Variants in PHF21A observed in about 807,000 individuals in gnomAD.
PHF21A encodes the protein BHC80a.
Under a neutral mutation model 82.5 loss-of-function variants are expected in PHF21A, and 11 were observed. That is an observed-to-expected ratio of 0.13 (90% confidence interval 0.08 to 0.22). PHF21A has a LOEUF of 0.22. PHF21A is among the 10% of genes least tolerant of loss of function. The pLI, the probability that PHF21A is intolerant of heterozygous loss-of-function variation, is 1.00. For synonymous variants in PHF21A, 297 were observed against 302.8 expected (o/e 0.98, Z 0.20); for missense variants, 579 against 837.8 (o/e 0.69, Z 3.81).
At chr11:45,966,334 CTCAG>C (rs760216920) in intron 9 of PHF21A, among the ~76,000 whole-genome samples, 23 of 152,268 alleles carry the variant, frequency 1.5e-4, no homozygotes, top group Middle Eastern at 3.4e-3. Context: ...CGATAATTGC[CTCAG>C]TAAGTACCCT....
chr11:45,934,078 T>C lies in PHF21A; in HGVS notation c.1936A>G (p.Asn646Asp). The change falls in exon 19 of 19, where the codon AAT becomes GAT. Residue 646 changes from asparagine to aspartate, a missense_variant. Coordinates refer to ENST00000676320, the MANE Select transcript of PHF21A (RefSeq NM_001352027.3). ...GCAGGGGGGGTGCAGTCCGGGCCAT[T>C]GGAGATGGCCCCCACAGTGGCCTCA... ...DSEATVGAIS[N>D]GPDCTPPANA... is the part of the protein sequence containing the mutation. The C allele has an allele frequency of 1.2e-6, 2 of 1,613,852 alleles. No individual in the cohort carries two copies. The highest frequency in any genetic ancestry group is 2.2e-5 in the South Asian group (2 of 91,074).
chr11:45,993,567 G>T (rs1291766552), intron 6 of PHF21A, among the ~76,000 whole-genome samples: 1 of 151,696 alleles, frequency 6.6e-6, no homozygotes, highest in East Asian at 1.9e-4. Flanking sequence ...TCATTTTTCT[G>T]AGCCAACTTT....
chr11:46,078,774 CTT>C (rs1181593308), intron 5 of PHF21A, among the ~76,000 whole-genome samples: 1 of 152,048 alleles, frequency 6.6e-6, no homozygotes, highest in African/African-American at 2.4e-5. Context: ...TTTGGGGTCT[CTT>C]TTCATAATAT....
chr11:45,945,153 G>C (rs1480518951), intron 15 of PHF21A, among the ~76,000 whole-genome samples: 1 of 152,224 alleles, frequency 6.6e-6, no homozygotes, highest in Non-Finnish European at 1.5e-5. Context: ...TGAGGACAGG[G>C]AGTTGGTTTT....
chr11:46,083,905 T>C (rs1008894375), intron 4 of PHF21A, among the ~76,000 whole-genome samples: 1 of 152,214 alleles, frequency 6.6e-6, no homozygotes, highest in Non-Finnish European at 1.5e-5. Flanking sequence ...AAAAGATTTC[T>C]TTCTTTTTTG....
chr11:46,040,911 ACACACACACACACACACACACACG>A (rs1241611350), intron 6 of PHF21A, among the ~76,000 whole-genome samples: 1 of 148,600 alleles, frequency 6.7e-6, no homozygotes, highest in Non-Finnish European at 1.5e-5. Context: ...ACACACACAC[ACACACACACACACACACACACACG>A]CACGCACAAT....
rs1210345334 is a variant in PHF21A at position 46,017,831 on chromosome 11, T to A, written c.154-37865A>T. 3.3e-5 allele frequency among the ~76,000 whole-genome samples: 5 copies of A among 152,100 alleles called. No homozygotes were observed. The East Asian group carries it at 9.6e-4, about 29-fold the overall frequency. Reference sequence around the variant, plus strand: ...AAGGCTATCAAACAGCAAAGCACAGTGTAAATAGCCACCCAAATTGCTCTT... The same window carrying A: ...AAGGCTATCAAACAGCAAAGCACAGAGTAAATAGCCACCCAAATTGCTCTT... On this transcript the variant is annotated intron_variant, in intron 6 of 18. Transcript: ENST00000676320.
intron 6 of PHF21A, among the ~76,000 whole-genome samples, chr11:46,057,178 T>A (rs958248820): frequency 2.0e-5 from 3 of 152,194 alleles, no homozygotes; most frequent in Admixed American, 6.6e-5. Context: ...TCATGTCCAG[T>A]GGGCTAGTAA....
At chr11:46,004,168 A>C (rs571555818) in intron 6 of PHF21A, among the ~76,000 whole-genome samples, 1 of 152,164 alleles carries the variant, frequency 6.6e-6, no homozygotes, top group Admixed American at 6.5e-5. Flanking sequence ...AAAATGTTTA[A>C]ATTTATTTTC....
At chr11:46,041,991 T>C (rs1019737375) in intron 6 of PHF21A, among the ~76,000 whole-genome samples, 9 of 152,140 alleles carry the variant, frequency 5.9e-5, no homozygotes, top group Admixed American at 5.2e-4. Flanking sequence ...TAAAATCCTG[T>C]ATGTCTGTTT....
chr11:46,028,507 T>C (rs1004581528), intron 6 of PHF21A, among the ~76,000 whole-genome samples: 1 of 151,840 alleles, frequency 6.6e-6, no homozygotes, highest in Non-Finnish European at 1.5e-5. Flanking sequence ...ACTTCCTGAT[T>C]CTGTTGTAAT....
At chr11:46,102,426 C>A (rs1313093182) in intron 1 of PHF21A, among the ~76,000 whole-genome samples, 1 of 152,176 alleles carries the variant, frequency 6.6e-6, no homozygotes, top group Admixed American at 6.5e-5. Flanking sequence ...TGTAAAAGAT[C>A]AATATATAAT....
rs375040302 is a variant in PHF21A, at chr11:46,086,125, T to A, written c.-83-1823A>T. ...ATCTGGGTAGTTTTAGCTACTATCTTTTTTTTTTTTTGAGAAAGAGTCTCG... is the reference window on the plus strand; with the variant it reads ...ATCTGGGTAGTTTTAGCTACTATCTATTTTTTTTTTTGAGAAAGAGTCTCG... On this transcript the variant is annotated intron_variant, in intron 3 of 18. Coordinates refer to ENST00000676320, the MANE Select transcript of PHF21A (RefSeq NM_001352027.3). Among the ~76,000 whole-genome samples the A allele has an allele frequency of 2.8e-4, 42 of 148,106 alleles. No homozygotes were observed. The East Asian group carries it at 6.5e-3, about 23-fold the overall frequency.
chr11:46,064,863 C>T (rs2096576672), intron 6 of PHF21A, among the ~76,000 whole-genome samples: 1 of 152,106 alleles, frequency 6.6e-6, no homozygotes, highest in Admixed American at 6.5e-5. Flanking sequence ...TAATGTATTG[C>T]TTTGGCAAAG....
rs1416932597 is a variant in PHF21A, at chr11:45,979,979, G to C, written c.154-13C>G. On this transcript the variant is annotated splice_polypyrimidine_tract_variant and intron_variant, in intron 6 of 18. Transcript: ENST00000676320. Reference sequence around the variant, plus strand: ...CAACTACTCTTTTCTACCAAATGAAGACAAAAAGAAATAAAAGATATTAGA... The same window carrying C: ...CAACTACTCTTTTCTACCAAATGAACACAAAAAGAAATAAAAGATATTAGA... 1.2e-6 allele frequency: 2 copies of C among 1,613,856 alleles called. No individual in the cohort carries two copies. Among genetic ancestry groups the C allele is most frequent in the East Asian group, 4.5e-5 (2 of 44,890 alleles).
intron 7 of PHF21A, among the ~76,000 whole-genome samples, chr11:45,974,123 C>T (rs2093907771): frequency 6.6e-6 from 1 of 152,134 alleles, no homozygotes; most frequent in South Asian, 2.1e-4. Flanking sequence ...TGATTTCTAG[C>T]ATCTACATAC....
chr11:46,071,459 C>G (rs530781360), intron 6 of PHF21A, among the ~76,000 whole-genome samples: 2 of 152,164 alleles, frequency 1.3e-5, no homozygotes, highest in Admixed American at 1.3e-4. Flanking sequence ...AGGTAAAATG[C>G]CCTATAATAA....
intron 6 of PHF21A, among the ~76,000 whole-genome samples, chr11:46,063,117 A>G (rs550973875): frequency 2.4e-4 from 37 of 152,340 alleles, no homozygotes; most frequent in African/African-American, 7.9e-4. Flanking sequence ...AGAGGAATAG[A>G]GACGAAGAGA....
chr11:45,998,483 G>A (rs544459231), intron 6 of PHF21A, among the ~76,000 whole-genome samples: 2 of 152,108 alleles, frequency 1.3e-5, no homozygotes, highest in Admixed American at 6.5e-5. Context: ...GGAAACAGAA[G>A]ATGTACATGC....
Sources: gnomAD v4.1 joint callset for allele counts (sites outside exome capture counted in the v4.1 genomes callset) on GRCh38, gnomAD v4.1.1 for gene constraint, MANE v1.5 for transcripts, NCBI Gene and HGNC (gene_info 2026-07-23, HGNC 2026-07-21) for gene names.